Variants in VWDE observed in about 807,000 individuals in gnomAD.
The protein encoded by VWDE is von Willebrand factor D and EGF domains.
A neutral mutation model predicts 178.4 loss-of-function variants in VWDE; 207 were observed. The ratio of observed to expected loss-of-function variants is 1.16; its 90% CI spans 1.04 to 1.30. The LOEUF (loss-of-function observed/expected upper bound fraction) is 1.30. Ranked by LOEUF, VWDE falls within the 50% of genes most tolerant of loss-of-function variation. VWDE has a pLI of 0.00. For synonymous variants in VWDE, 738 were observed against 651.4 expected (o/e 1.13, Z -2.02); for missense variants, 2,287 against 1,901.3 (o/e 1.20, Z -3.77).
At chr7:12,338,495 C>G (rs1484948508) in intron 24 of VWDE, among the ~76,000 whole-genome samples, 1 of 151,866 alleles carries the variant, frequency 6.6e-6, no homozygotes, top group African/African-American at 2.4e-5. Flanking sequence ...GTTTATGATG[C>G]GTAATCTTGC....
rs1783066274 is a variant in VWDE at position 12,369,790 on chromosome 7, AC to A, written c.2515del (p.Val839Ter). On this transcript the variant is annotated frameshift_variant, in exon 12 of 29. Transcript: ENST00000275358. LOFTEE classifies it high-confidence loss of function. ...KRLDSVIEMC[V>X]KDVLLKDDLS... Reference sequence around the variant, plus strand: ...ATCATCTTTTAACAGAACATCCTTCACACACATCTCTATAACACTGTCTAAT... The same window carrying A: ...ATCATCTTTTAACAGAACATCCTTCAACACATCTCTATAACACTGTCTAAT... The A allele has an allele frequency of 6.4e-7, 1 of 1,551,432 alleles. No homozygotes were observed. Among genetic ancestry groups the A allele is most frequent in the South Asian group, 1.2e-5 (1 of 84,056 alleles).
intron 19 of VWDE, among the ~76,000 whole-genome samples, chr7:12,348,554 A>G (rs1348872881): frequency 2.7e-5 from 4 of 150,844 alleles, no homozygotes; most frequent in Non-Finnish European, 5.9e-5. Context: ...TAGAATGGCA[A>G]TCATTAAAAA....
chr7:12,355,099 C>A (rs907709551), intron 18 of VWDE, among the ~76,000 whole-genome samples: 1 of 152,074 alleles, frequency 6.6e-6, no homozygotes, highest in Non-Finnish European at 1.5e-5. Context: ...GAAAAGAGAT[C>A]TACATTCATA....
intron 26 of VWDE, 27 bp downstream of exon 26, chr7:12,336,961 T>A (rs1185907947): frequency 2.0e-6 from 3 of 1,522,784 alleles, no homozygotes; most frequent in East Asian, 4.9e-5. Flanking sequence ...GACGAAAGCT[T>A]CAGTGTTTTA....
intron 13 of VWDE, among the ~76,000 whole-genome samples, chr7:12,365,890 C>T (rs928058065): frequency 2.0e-5 from 3 of 152,088 alleles, no homozygotes; most frequent in South Asian, 4.1e-4. Flanking sequence ...TTTGGTTTGG[C>T]TCTGTGTCTC....
chr7:12,342,231 A>G, intron 22 of VWDE, 77 bp from the exon 23 acceptor site: 1 of 1,073,342 alleles, frequency 9.3e-7, no homozygotes, highest in Non-Finnish European at 1.4e-6. Context: ...TAGCTAGCTC[A>G]TAACTGCTAA....
At chr7:12,333,373 T>G (rs6460928) in intron 28 of VWDE, 92 bp downstream of exon 28, 488,347 of 796,106 alleles carry the variant, frequency 0.61, 152,638 homozygotes, top group African/African-American at 0.9. Context: ...TTGGAAATAA[T>G]AAAAAAACAT....
chr7:12,358,346 C>T (rs1232778382), intron 16 of VWDE, among the ~76,000 whole-genome samples: 1 of 146,174 alleles, frequency 6.8e-6, no homozygotes, highest in Non-Finnish European at 1.5e-5. Context: ...TGCGCTCCAG[C>T]CTGGGAGACA....
Position 12,369,857 on chromosome 7 carries a change from A to T in VWDE, c.2449T>A (p.Ser817Thr), listed in dbSNP as rs1174207406. 1.3e-6 allele frequency: 2 copies of T among 1,551,506 alleles called. No individual in the cohort carries two copies. Among genetic ancestry groups the T allele is most frequent in the Non-Finnish European group, 1.7e-6 (2 of 1,146,884 alleles). Reference sequence around the variant, plus strand: ...GCAAGACACAGCCTTCCTATGCTGGAGTTGGCTAGAGTCTCCTGACAGAGG... The same window carrying T: ...GCAAGACACAGCCTTCCTATGCTGGTGTTGGCTAGAGTCTCCTGACAGAGG... ...LTLCQETLAN[S>T]SIGRLCLAFL... is the part of the protein sequence containing the mutation. Residue 817 changes from serine to threonine, a missense_variant, in exon 12 of 29, where the codon TCC (serine) becomes ACC (threonine). By Grantham distance (58) the Ser-to-Thr change is moderately conservative (BLOSUM62 1). Coordinates refer to ENST00000275358, the MANE Select transcript of VWDE (RefSeq NM_001135924.3).
chr7:12,343,237 T>G (rs555788673), intron 21 of VWDE, 59 bp from the exon 22 acceptor site: 2 of 1,223,234 alleles, frequency 1.6e-6, no homozygotes, highest in African/African-American at 3.0e-5. Flanking sequence ...TCAGTTTATA[T>G]TTATAAAGCA....
At position 12,333,480 on chromosome 7, in the gene VWDE, A is replaced by T; in HGVS notation, c.4743T>A (p.Cys1581Ter). The T allele has an allele frequency of 1.9e-6, 3 of 1,544,942 alleles. No individual in the cohort carries two copies. The highest frequency in any genetic ancestry group is 1.8e-6 in the Non-Finnish European group (2 of 1,142,832). ...TCTGAAATACCTGTATTTTCTTCTC[A>T]CATTTGACTCCAGAGTATTCAGTGC... ...SCRTEYSGVK[C>*]EKKIQIRRH Residue 1581 changes from cysteine (C) to a stop codon, truncating the protein, a stop_gained, in exon 28 of 29, where the codon TGT (cysteine) becomes TGA (stop). Transcript: ENST00000275358. LOFTEE classifies it high-confidence loss of function.
At position 12,403,686 on chromosome 7, in the gene VWDE, C is replaced by T. The variant is rs139879021; in HGVS notation, c.31G>A (p.Ala11Thr). Residue 11 changes from alanine (A) to threonine (T), a missense_variant, in exon 1 of 29, where the codon GCG (alanine) becomes ACG (threonine). Transcript: ENST00000275358. MPGGACVLVI[A>T]LMFLAWGEAQ... ...TCCCCCCAGGCCAGGAACATCAGCG[C>T]GATCACCAGCACGCAGGCTCCGCCA... 1,876 of 1,548,480 alleles carry T rather than the reference C, an allele frequency of 1.2e-3. 20 individuals are homozygous for T. The African/African-American group carries it at 0.022, about 18-fold the overall frequency.
At chr7:12,397,039 T>C (rs1459976947) in intron 1 of VWDE, among the ~76,000 whole-genome samples, 1 of 152,108 alleles carries the variant, frequency 6.6e-6, no homozygotes. Context: ...CTACCAATGT[T>C]GTTTTTTACA....
Position 12,344,246 on chromosome 7 carries a change from G to C in VWDE, c.4027C>G (p.Pro1343Ala). The C allele has an allele frequency of 6.4e-7, 1 of 1,551,114 alleles. No individual in the cohort carries two copies. Among genetic ancestry groups the C allele is most frequent in the Non-Finnish European group, 8.7e-7 (1 of 1,146,648 alleles). The part of the protein sequence containing the change: ...DCKNHGKCIK[P>A]NICQCLPGHG... ...CCTGGAAGACACTGACAAATGTTAG[G>C]CTTAATACATTTTCCATGGTTTTTG... Residue 1343 changes from proline to alanine, a missense_variant, in exon 21 of 29, where the codon CCT becomes GCT. Transcript: ENST00000275358.
intron 22 of VWDE, 46 bp from the exon 23 acceptor site, chr7:12,342,200 G>T: frequency 6.7e-7 from 1 of 1,491,814 alleles, no homozygotes; most frequent in Non-Finnish European, 9.1e-7. Context: ...GCTTGGAGTA[G>T]TCATATTGTT....
chr7:12,337,977 C>A (rs1237150413), intron 24 of VWDE, among the ~76,000 whole-genome samples: 2 of 152,066 alleles, frequency 1.3e-5, no homozygotes, highest in Non-Finnish European at 2.9e-5. Flanking sequence ...AAGTAATACA[C>A]AGGCAAGCCT....
Position 12,373,220 on chromosome 7 carries a change from T to C in VWDE, c.1344A>G (p.Thr448=), listed in dbSNP as rs1162917061. Reference sequence around the variant, plus strand: ...GTGACATACTCTTATAAAGCACAAATGTTCCAGTCTTGAAATTATCATATA... The same window carrying C: ...GTGACATACTCTTATAAAGCACAAACGTTCCAGTCTTGAAATTATCATATA... ...GRVYDNFKTG[T]FVLYKSMSRD... Residue 448 remains threonine (T), a synonymous_variant, in exon 10 of 29, where the codon ACA becomes ACG. Coordinates refer to ENST00000275358, the MANE Select transcript of VWDE (RefSeq NM_001135924.3). The C allele has an allele frequency of 6.4e-6, 10 of 1,551,140 alleles. No homozygotes were observed. The South Asian group carries it at 1.2e-4, about 18-fold the overall frequency.
Position 12,356,240 on chromosome 7 carries a change from A to G in VWDE, c.3616T>C (p.Cys1206Arg), listed in dbSNP as rs1782242502. The stretch of plus-strand genomic sequence containing the variant: ...AGGCTGCCATGGAAGCCAGGCAAGC[A>G]GACACACAGGTACACTCCACTCCCT... ...SPGSGVYLCV[C>R]LPGFHGSLCE... Residue 1206 changes from cysteine to arginine, a missense_variant, in exon 18 of 29, where the codon TGC (cysteine) becomes CGC (arginine). By Grantham distance (180) the Cys-to-Arg change is radical. Transcript: ENST00000275358. 1 of 1,551,674 alleles carries G rather than the reference A, an allele frequency of 6.4e-7. No individual in the cohort carries two copies. The highest frequency in any genetic ancestry group is 8.7e-7 in the Non-Finnish European group (1 of 1,146,982).
rs561034216 is a variant in VWDE, at chr7:12,332,068, G to A, written c.4759-871C>T. 3.3e-5 allele frequency among the ~76,000 whole-genome samples: 5 copies of A among 152,204 alleles called. No homozygotes were observed. The East Asian group carries it at 9.7e-4, about 29-fold the overall frequency. The stretch of plus-strand genomic sequence containing the variant: ...GGGAAGGTAGGGAAGAGGGGAGCAA[G>A]GGATGGAGTTGGAGAAGGTTCTATG... On this transcript the variant is annotated intron_variant, in intron 28 of 28. Coordinates refer to ENST00000275358, the MANE Select transcript of VWDE (RefSeq NM_001135924.3).
Sources: gnomAD v4.1 joint callset for allele counts (sites outside exome capture counted in the v4.1 genomes callset) on GRCh38, gnomAD v4.1.1 for gene constraint, MANE v1.5 for transcripts, NCBI Gene and HGNC (gene_info 2026-07-23, HGNC 2026-07-21) for gene names.